Variants in ROBO2 observed in about 807,000 individuals in gnomAD.
ROBO2 encodes the protein roundabout homolog 2.
In ROBO2, 53 loss-of-function variants were observed where a neutral mutation model predicts 160.8. That is an observed-to-expected ratio of 0.33 (90% CI 0.26 to 0.41). The LOEUF is 0.41. Among genes scored for constraint, ROBO2 ranks in the 10% least tolerant of loss-of-function variants. The pLI is 1.00. For missense variants in ROBO2, 1,577 were observed against 1,722.4 expected (o/e 0.92, Z 1.49); for synonymous variants, 664 against 611.7 (o/e 1.09, Z -1.26).
intron 2 of ROBO2, among the ~76,000 whole-genome samples, chr3:76,655,175 G>A (rs1037745237): frequency 3.3e-5 from 5 of 149,898 alleles, no homozygotes; most frequent in African/African-American, 4.9e-5. Flanking sequence ...GGGTGGAATT[G>A]CTGATTTTTA....
intron 2 of ROBO2, among the ~76,000 whole-genome samples, chr3:77,249,280 T>C (rs1470839212): frequency 6.6e-6 from 1 of 152,252 alleles, no homozygotes; most frequent in East Asian, 1.9e-4. Flanking sequence ...CTGTTTTGTC[T>C]TCTCTGTATA....
rs74626024 is a variant in ROBO2, at chr3:76,529,765, C to T, written c.110-568249C>T. On this transcript the variant is annotated intron_variant, in intron 2 of 26. Transcript: ENST00000487694. ...AAGCATGTTGTCTTTCAGTTAAATCCGTCCGTTCAAATCTTATTCCCCTTC... is the reference window on the plus strand; with the variant it reads ...AAGCATGTTGTCTTTCAGTTAAATCTGTCCGTTCAAATCTTATTCCCCTTC... Among the ~76,000 whole-genome samples the T allele has an allele frequency of 3.0e-4, 46 of 152,160 alleles. No individual in the cohort carries two copies. The East Asian group carries it at 7.9e-3, about 26-fold the overall frequency.
At chr3:76,935,772 G>T (rs6797212) in intron 2 of ROBO2, among the ~76,000 whole-genome samples, 58,424 of 151,848 alleles carry the variant, frequency 0.38, 11,529 homozygotes, top group South Asian at 0.49. Flanking sequence ...TCCCACTTCA[G>T]GGATCATAGG....
intron 2 of ROBO2, among the ~76,000 whole-genome samples, chr3:76,574,097 T>C (rs1177923921): frequency 2.6e-5 from 4 of 152,124 alleles, no homozygotes; most frequent in African/African-American, 9.7e-5. Context: ...ATACACATTA[T>C]TTTCCGTCCT....
At chr3:76,858,492 G>A (rs1231541563) in intron 2 of ROBO2, among the ~76,000 whole-genome samples, 1 of 152,112 alleles carries the variant, frequency 6.6e-6, no homozygotes, top group Non-Finnish European at 1.5e-5. Context: ...TCAAACTCCT[G>A]AGCTCAGGCA....
At chr3:76,947,967 A>G (rs1195995769) in intron 2 of ROBO2, among the ~76,000 whole-genome samples, 3 of 152,306 alleles carry the variant, frequency 2.0e-5, no homozygotes, top group South Asian at 4.1e-4. Context: ...TACTTACTGC[A>G]TCTCAGAACG....
At chr3:77,440,071 G>A (rs1312577277) in intron 2 of ROBO2, among the ~76,000 whole-genome samples, 1 of 152,142 alleles carries the variant, frequency 6.6e-6, no homozygotes, top group Non-Finnish European at 1.5e-5. Context: ...GTGAGAAACA[G>A]GATATAAATG....
chr3:76,472,232 T>G (rs2078703709), intron 2 of ROBO2, among the ~76,000 whole-genome samples: 1 of 152,190 alleles, frequency 6.6e-6, no homozygotes, highest in Admixed American at 6.6e-5. Context: ...TATTTGATTT[T>G]TATTGTAATA....
At chr3:77,480,148 G>T (rs2153587770) in intron 3 of ROBO2, among the ~76,000 whole-genome samples, 1 of 152,258 alleles carries the variant, frequency 6.6e-6, no homozygotes, top group Middle Eastern at 3.4e-3. Flanking sequence ...ATGACAAGTT[G>T]TAAATCTTGA....
intron 2 of ROBO2, among the ~76,000 whole-genome samples, chr3:77,121,955 A>G (rs187257591): frequency 0.054 from 8,231 of 152,086 alleles, 347 homozygotes; most frequent in African/African-American, 0.12. Flanking sequence ...ATGGCAGGGT[A>G]GATTTTTTTA....
At chr3:75,962,995 G>A (rs1948976947) in intron 2 of ROBO2, among the ~76,000 whole-genome samples, 1 of 151,682 alleles carries the variant, frequency 6.6e-6, no homozygotes, top group Admixed American at 6.6e-5. Context: ...TCACCTGAGT[G>A]ACATTAGAAA....
At chr3:76,326,018 A>C (rs2072986222) in intron 2 of ROBO2, among the ~76,000 whole-genome samples, 1 of 152,170 alleles carries the variant, frequency 6.6e-6, no homozygotes, top group African/African-American at 2.4e-5. Flanking sequence ...AACATTAGGC[A>C]ACCAAGAAAA....
chr3:76,833,796 C>T (rs969856324), intron 2 of ROBO2, among the ~76,000 whole-genome samples: 4 of 152,134 alleles, frequency 2.6e-5, no homozygotes, highest in Admixed American at 6.5e-5. Flanking sequence ...CAGTCATTCT[C>T]AAGTACACAT....
chr3:77,068,059 C>T (rs1386400097), intron 1 of ROBO2, among the ~76,000 whole-genome samples: 1 of 151,706 alleles, frequency 6.6e-6, no homozygotes, highest in Non-Finnish European at 1.5e-5. Context: ...ATTTTTAGTT[C>T]TCAAAATGCT....
At chr3:76,131,614 A>G (rs886462858) in intron 2 of ROBO2, among the ~76,000 whole-genome samples, 8 of 152,062 alleles carry the variant, frequency 5.3e-5, no homozygotes, top group African/African-American at 1.9e-4. Flanking sequence ...AGCAGCTGAG[A>G]TTTCTGAGAG....
chr3:76,551,261 G>A (rs1351055795), intron 2 of ROBO2, among the ~76,000 whole-genome samples: 2 of 152,058 alleles, frequency 1.3e-5, no homozygotes, highest in African/African-American at 4.8e-5. Context: ...TCGTAAGAAC[G>A]ACCTGCCTGA....
intron 2 of ROBO2, among the ~76,000 whole-genome samples, chr3:77,476,805 C>T (rs774225774): frequency 4.9e-4 from 74 of 152,130 alleles, no homozygotes; most frequent in South Asian, 2.1e-4. Flanking sequence ...CTGAATGTCA[C>T]ACTGCCCAGA....
intron 2 of ROBO2, among the ~76,000 whole-genome samples, chr3:76,394,114 T>G (rs757331052): frequency 3.6e-4 from 55 of 152,292 alleles, no homozygotes; most frequent in South Asian, 6.2e-4. Flanking sequence ...TTGTAGCATT[T>G]CGTCCATTTA....
chr3:76,020,908 A>G (rs958368946), intron 2 of ROBO2, among the ~76,000 whole-genome samples: 2 of 151,840 alleles, frequency 1.3e-5, no homozygotes, highest in Admixed American at 1.3e-4. Flanking sequence ...GAATTATTTC[A>G]AACATGACAA....
Sources: gnomAD v4.1 joint callset for allele counts (sites outside exome capture counted in the v4.1 genomes callset) on GRCh38, gnomAD v4.1.1 for gene constraint, MANE v1.5 for transcripts, NCBI Gene and HGNC (gene_info 2026-07-23, HGNC 2026-07-21) for gene names.